FASTKD5: variants seen among roughly 807,000 people sequenced by gnomAD.
FASTKD5 encodes the protein FAST kinase domains 5.
Under a neutral mutation model 44.0 loss-of-function variants are expected in FASTKD5, and 30 were observed. The ratio of observed to expected loss-of-function variants is 0.68; its 90% confidence interval spans 0.51 to 0.93. The LOEUF (loss-of-function observed/expected upper bound fraction) is 0.93. Ranked by LOEUF, FASTKD5 falls within the 40% of genes least tolerant of loss-of-function variation. The probability of loss-of-function intolerance (pLI) is 0.00; values close to 1 mark genes in which losing one functional copy is unlikely to be tolerated. For missense variants in FASTKD5, 868 were observed against 908.2 expected, an observed-to-expected ratio of 0.96 and a Z score of 0.57; for synonymous variants, 335 against 342.2, an observed-to-expected ratio of 0.98 and a Z score of 0.23.
rs79549903 is a variant in FASTKD5 at position 3,157,066 on chromosome 20, G to C, written c.-191+2700C>G. Among the ~76,000 whole-genome samples the C allele has an allele frequency of 5.1e-3, 782 of 151,922 alleles. 7 individuals carry two copies. Among genetic ancestry groups the C allele is most frequent in the African/African-American group, 0.018 (741 of 41,276 alleles). ...ACGTGAGGCCAGGAGTTCAAGACCA[G>C]TCTGGGCTACATGGCGAGACCCTGT... On this transcript the variant is annotated intron_variant, in intron 1 of 1. Coordinates refer to ENST00000380266, the MANE Select transcript of FASTKD5 (RefSeq NM_021826.5).
At chr20:3,151,903 G>A (rs1373921414) in intron 1 of FASTKD5, 2 of 151,338 alleles carry the variant, frequency 1.3e-5, no homozygotes, top group East Asian at 1.9e-4. Context: ...TCAGGAGTTC[G>A]AGACCAGCCT....
chr20:3,153,866 C>T (rs1199679111), intron 1 of FASTKD5, among the ~76,000 whole-genome samples: 1 of 152,132 alleles, frequency 6.6e-6, no homozygotes, highest in African/African-American at 2.4e-5. Flanking sequence ...TTCAAAAATC[C>T]AAAATCTGAA....
Position 3,148,755 on chromosome 20 carries a change from C to T in FASTKD5, c.316G>A (p.Val106Ile), listed in dbSNP as rs1473484815. 4.3e-6 allele frequency: 7 copies of T among 1,614,210 alleles called. No homozygotes were observed. Among genetic ancestry groups the T allele is most frequent in the Non-Finnish European group, 5.9e-6 (7 of 1,180,042 alleles). ...PRATGVDEED[V>I]EVFDSFENMR... is the part of the protein sequence containing the mutation. The stretch of plus-strand genomic sequence containing the variant: ...TTTTCAAAGGAATCAAACACTTCTA[C>T]GTCCTCTTCATCAACTCCTGTGGCC... The change falls in exon 2 of 2, where the codon GTA becomes ATA. Residue 106 changes from valine to isoleucine, a missense_variant. Transcript: ENST00000380266.
intron 1 of FASTKD5, among the ~76,000 whole-genome samples, chr20:3,150,021 A>T (rs886787397): frequency 1.3e-5 from 2 of 151,090 alleles, no homozygotes; most frequent in African/African-American, 4.8e-5. Flanking sequence ...TCCATCTCAA[A>T]AAAAAAAAAA....
At chr20:3,154,680 T>A (rs1020373654) in intron 1 of FASTKD5, among the ~76,000 whole-genome samples, 1 of 151,942 alleles carries the variant, frequency 6.6e-6, no homozygotes, top group Non-Finnish European at 1.5e-5. Flanking sequence ...TCTCAAAAAA[T>A]AAATAAATAA....
chr20:3,154,402 C>T (rs2066663866), intron 1 of FASTKD5, among the ~76,000 whole-genome samples: 1 of 152,206 alleles, frequency 6.6e-6, no homozygotes, highest in Non-Finnish European at 1.5e-5. Context: ...TTACCACAGG[C>T]AGGATGCAAT....
Position 3,147,799 on chromosome 20 carries a change from G to A in FASTKD5, c.1272C>T (p.His424=). 1 of 1,614,190 alleles carries A rather than the reference G, an allele frequency of 6.2e-7. No individual in the cohort carries two copies. The highest frequency in any genetic ancestry group is 8.5e-7 in the Non-Finnish European group (1 of 1,180,030). ...VAASLPPRVA[H]CRSKDVAKIL... ...TCTTGGCAACATCTTTACTTCGACA[G>A]TGTGCCACTCTAGGAGGCAAAGACG... The change falls in exon 2 of 2, where the codon CAC becomes CAT. Residue 424 remains histidine (H), a synonymous_variant. Coordinates refer to ENST00000380266, the MANE Select transcript of FASTKD5 (RefSeq NM_021826.5).
Position 3,149,876 on chromosome 20 carries a change from A to G in FASTKD5, c.-190-616T>C, listed in dbSNP as rs2066607009. ...CTATTAAAAATACAAAAAATTACCC[A>G]GGTGTGGCAGCACACACCTGTAATC... On this transcript the variant is annotated intron_variant, in intron 1 of 1. Transcript: ENST00000380266. The surrounding 1 kb of genome is among the most constrained non-coding windows in gnomAD (Gnocchi z 4.1). 1.3e-5 allele frequency among the ~76,000 whole-genome samples: 2 copies of G among 151,998 alleles called. No homozygotes were observed. The highest frequency in any genetic ancestry group is 6.6e-5 in the Admixed American group (1 of 15,254).
At chr20:3,155,590 C>T (rs75692177) in intron 1 of FASTKD5, among the ~76,000 whole-genome samples, 2,296 of 151,782 alleles carry the variant, frequency 0.015, 27 homozygotes, top group South Asian at 0.057. Flanking sequence ...CTCTACTGAA[C>T]TATTTGACTG....
chr20:3,152,885 G>A (rs920736012), intron 1 of FASTKD5, among the ~76,000 whole-genome samples: 2 of 149,760 alleles, frequency 1.3e-5, no homozygotes, highest in African/African-American at 2.5e-5. Flanking sequence ...CAGCCTGGGC[G>A]AAAGAGCAAG....
intron 1 of FASTKD5, among the ~76,000 whole-genome samples, chr20:3,153,888 A>AT (rs200828930): frequency 9.3e-5 from 14 of 150,996 alleles, no homozygotes; most frequent in African/African-American, 1.7e-4. Context: ...TACTCCAATC[A>AT]TTTTTTTTTC....
intron 1 of FASTKD5, 34 bp downstream of exon 1, chr20:3,159,732 C>T (rs1001579801): frequency 2.0e-5 from 3 of 152,344 alleles, no homozygotes; most frequent in African/African-American, 4.8e-5. Flanking sequence ...GGAAAGAGGC[C>T]GCCGCGACCT....
At chr20:3,159,471 C>G (rs2066723798) in intron 1 of FASTKD5, among the ~76,000 whole-genome samples, 1 of 152,202 alleles carries the variant, frequency 6.6e-6, no homozygotes, top group African/African-American at 2.4e-5. Flanking sequence ...ATTCTCTTAA[C>G]AGCACCGTGA....
chr20:3,151,055 T>C (rs1156681060), intron 1 of FASTKD5, among the ~76,000 whole-genome samples: 2 of 150,782 alleles, frequency 1.3e-5, no homozygotes, highest in African/African-American at 5.0e-5. Context: ...TTAGTGTGTG[T>C]TTGTGTGTGT....
intron 1 of FASTKD5, among the ~76,000 whole-genome samples, chr20:3,155,054 A>G (rs1277695007): frequency 6.2e-5 from 1 of 16,236 alleles, no homozygotes; most frequent in African/African-American, 7.9e-4. Flanking sequence ...CACAGTCTCA[A>G]AAAAAAAAAA....
In FASTKD5 at chr20:3,149,529, G is replaced by C. The variant is rs2145222; in HGVS notation, c.-190-269C>G. On this transcript the variant is annotated intron_variant, in intron 1 of 1. Coordinates refer to ENST00000380266, the MANE Select transcript of FASTKD5 (RefSeq NM_021826.5). This position sits in a 1 kb window ranked among gnomAD's most constrained non-coding sequence, Gnocchi z 4.1. The stretch of plus-strand genomic sequence containing the variant: ...TTCACTGTACAAGGCAAGCAGTGAC[G>C]GCTAAAGAAGAGACGGTGCTCCGCT... Among the ~76,000 whole-genome samples, 1 of 152,002 alleles carries C rather than the reference G, an allele frequency of 6.6e-6. No individual in the cohort carries two copies. Among genetic ancestry groups the C allele is most frequent in the Non-Finnish European group, 1.5e-5 (1 of 67,970 alleles).
Position 3,148,945 on chromosome 20 carries a change from G to C in FASTKD5, c.126C>G (p.Asp42Glu). 6.2e-7 allele frequency: 1 copy of C among 1,614,160 alleles called. No homozygotes were observed. The highest frequency in any genetic ancestry group is 1.1e-5 in the South Asian group (1 of 91,080). Reference protein sequence around the residue: ...NVSSTQHGGQDPPEHISLCHS... With the variant: ...NVSSTQHGGQEPPEHISLCHS... ...GGCAGAGGCTAATGTGTTCTGGAGG[G>C]TCCTGTCCCCCATGCTGTGTGCTGC... Residue 42 changes from aspartate to glutamate, a missense_variant, in exon 2 of 2, where the codon GAC becomes GAG. Asp to Glu is a conservative substitution (Grantham distance 45). Transcript: ENST00000380266.
intron 1 of FASTKD5, among the ~76,000 whole-genome samples, chr20:3,154,670 T>A (rs899254116): frequency 1.3e-5 from 2 of 152,010 alleles, no homozygotes; most frequent in African/African-American, 4.8e-5. Flanking sequence ...AGAGACCCTA[T>A]CTCAAAAAAT....
chr20:3,158,681 A>G (rs2066715181), intron 1 of FASTKD5, among the ~76,000 whole-genome samples: 1 of 151,936 alleles, frequency 6.6e-6, no homozygotes, highest in Admixed American at 6.6e-5. Flanking sequence ...TCACCATATT[A>G]GCCAAGATGG....
Sources: allele counts gnomAD v4.1 joint callset (sites outside exome capture counted in the v4.1 genomes callset), GRCh38; gene constraint gnomAD v4.1.1; non-coding constraint Gnocchi (gnomAD v3.1); transcripts MANE v1.5; gene names NCBI Gene and HGNC (gene_info 2026-07-23, HGNC 2026-07-21).